Variants in SMCO4 observed in about 807,000 individuals in gnomAD.
SMCO4 encodes single-pass membrane and coiled-coil domain-containing protein 4.
A neutral mutation model predicts 3.6 loss-of-function variants in SMCO4; 4 were observed. That is an observed-to-expected ratio of 1.11 (90% CI 0.54 to 2.53). The LOEUF is 2.53. Among genes scored for constraint, SMCO4 ranks in the 30% most tolerant of loss-of-function variants. The pLI, the probability that SMCO4 is intolerant of heterozygous loss-of-function variation, is 0.02. For synonymous variants in SMCO4, 36 were observed against 35.3 expected, an observed-to-expected ratio of 1.02 and a Z score of -0.07; for missense variants, 70 against 80.8, an observed-to-expected ratio of 0.87 and a Z score of 0.51.
chr11:93,482,490 TC>T (rs1439129145), intron 2 of SMCO4, among the ~76,000 whole-genome samples: 3 of 152,074 alleles, frequency 2.0e-5, no homozygotes, highest in Non-Finnish European at 4.4e-5. Flanking sequence ...TTAAGAGAGA[TC>T]ATGTCCAAGG....
chr11:93,529,410 A>T (rs1420718548), intron 1 of SMCO4, among the ~76,000 whole-genome samples: 1 of 152,156 alleles, frequency 6.6e-6, no homozygotes, highest in Admixed American at 6.5e-5. Flanking sequence ...TTCTATTTTC[A>T]TCTCCACTTA....
At position 93,478,658 on chromosome 11, in the gene SMCO4, G is replaced by GGTTC; in HGVS notation, c.*348_*351dup. The GGTTC allele has an allele frequency of 4.6e-6, 1 of 215,692 alleles. No individual in the cohort carries two copies. Among genetic ancestry groups the GGTTC allele is most frequent in the Non-Finnish European group, 8.7e-6 (1 of 114,684 alleles). 13.4% of individuals were successfully genotyped at this position (215,692 alleles called of 1,614,324 possible). A position where few individuals can be genotyped will look rare whatever the true frequency, so the allele number is the denominator to read the frequency against. On this transcript the variant is annotated 3_prime_UTR_variant, in exon 3 of 3. Coordinates refer to ENST00000298966, the MANE Select transcript of SMCO4 (RefSeq NM_020179.3). ...GATTCCAGCTGTTTCCTGACCCAGAGGTTCCATCCCTCTTCAGGTGGAGCT... is the reference window on the plus strand; with the variant it reads ...GATTCCAGCTGTTTCCTGACCCAGAGGTTCGTTCCATCCCTCTTCAGGTGGAGCT...
chr11:93,521,183 T>C (rs1949055147), intron 1 of SMCO4, among the ~76,000 whole-genome samples: 1 of 152,178 alleles, frequency 6.6e-6, no homozygotes, highest in African/African-American at 2.4e-5. Flanking sequence ...TGTTGCAACA[T>C]TCACTTCCTT....
intron 1 of SMCO4, among the ~76,000 whole-genome samples, chr11:93,539,111 G>A (rs1342475945): frequency 5.3e-5 from 8 of 152,158 alleles, no homozygotes; most frequent in African/African-American, 1.7e-4. Context: ...CCACATCTGT[G>A]TGTTGGGAAT....
intron 1 of SMCO4, among the ~76,000 whole-genome samples, chr11:93,512,200 C>T (rs976073267): frequency 2.0e-5 from 3 of 152,184 alleles, no homozygotes; most frequent in Non-Finnish European, 2.9e-5. Flanking sequence ...TAAATGAGGA[C>T]TTAGTGTACA....
upstream of SMCO4, among the ~76,000 whole-genome samples, chr11:93,547,132 A>G (rs1949321005): frequency 1.3e-5 from 2 of 152,336 alleles, no homozygotes; most frequent in South Asian, 4.1e-4. Context: ...CAGCTCAGGA[A>G]TCTTATGGAG....
At position 93,492,250 on chromosome 11, in the gene SMCO4, A is replaced by G. The variant is rs528473715; in HGVS notation, c.-81+7026T>C. On this transcript the variant is annotated intron_variant, in intron 2 of 2. Transcript: ENST00000298966. ...CACAGATTCATTTACTCACTCACCA[A>G]TTCATTCTTTCAAACACTTCCTGAG... Among the ~76,000 whole-genome samples, 42 of 152,330 alleles carry G rather than the reference A, an allele frequency of 2.8e-4. 1 individual carries two copies. The highest frequency in any genetic ancestry group is 9.4e-4 in the African/African-American group (39 of 41,578).
At chr11:93,491,148 T>G (rs193267840) in intron 2 of SMCO4, among the ~76,000 whole-genome samples, 1 of 152,246 alleles carries the variant, frequency 6.6e-6, no homozygotes, top group Admixed American at 6.5e-5. Context: ...AAAGTAAGCA[T>G]GGCTAATTCA....
At chr11:93,547,756 A>G (rs1445200016), upstream of SMCO4, among the ~76,000 whole-genome samples, 1 of 152,218 alleles carries the variant, frequency 6.6e-6, no homozygotes, top group Non-Finnish European at 1.5e-5. Context: ...AGGAAGAAGG[A>G]GAAAAGACAA....
chr11:93,553,489 G>A, the SMCO4 span, among the ~76,000 whole-genome samples: 1 of 152,170 alleles, frequency 6.6e-6, no homozygotes, highest in South Asian at 2.1e-4. Flanking sequence ...ACAAACCACA[G>A]TATTATTAGC....
At chr11:93,488,294 T>A (rs1281774338) in intron 2 of SMCO4, among the ~76,000 whole-genome samples, 1 of 151,958 alleles carries the variant, frequency 6.6e-6, no homozygotes, top group Non-Finnish European at 1.5e-5. Flanking sequence ...AAGGGAGAGC[T>A]GAGGGGTCAC....
intron 1 of SMCO4, among the ~76,000 whole-genome samples, chr11:93,533,735 G>A (rs1949185498): frequency 6.6e-6 from 1 of 152,050 alleles, no homozygotes; most frequent in Non-Finnish European, 1.5e-5. Flanking sequence ...CCCACCTAAG[G>A]CCTCCACCGA....
intron 1 of SMCO4, among the ~76,000 whole-genome samples, chr11:93,528,042 TAATA>T (rs1043735572): frequency 6.6e-6 from 1 of 151,680 alleles, no homozygotes; most frequent in Non-Finnish European, 1.5e-5. Context: ...TACTAAATCC[TAATA>T]AATAATAATT....
intron 1 of SMCO4, among the ~76,000 whole-genome samples, chr11:93,522,613 C>G (rs1421908622): frequency 6.6e-6 from 1 of 152,262 alleles, no homozygotes; most frequent in African/African-American, 2.4e-5. Context: ...TAGGCCAAGT[C>G]TCCGCCATTG....
chr11:93,491,315 C>A (rs1333111824), intron 2 of SMCO4, among the ~76,000 whole-genome samples: 1 of 152,194 alleles, frequency 6.6e-6, no homozygotes, highest in Non-Finnish European at 1.5e-5. Flanking sequence ...AATGCCTATC[C>A]CTGGAGGCCA....
intron 2 of SMCO4, among the ~76,000 whole-genome samples, chr11:93,484,342 C>T (rs1948624131): frequency 6.6e-6 from 1 of 152,176 alleles, no homozygotes; most frequent in Non-Finnish European, 1.5e-5. Flanking sequence ...TTCTTATATG[C>T]ACTTTTCTCC....
At chr11:93,507,484 T>A (rs1948918628) in intron 1 of SMCO4, among the ~76,000 whole-genome samples, 1 of 152,202 alleles carries the variant, frequency 6.6e-6, no homozygotes, top group Non-Finnish European at 1.5e-5. Context: ...CAGATGAGAA[T>A]GGCAATGACA....
intron 1 of SMCO4, among the ~76,000 whole-genome samples, chr11:93,539,309 T>A (rs748150121): frequency 2.0e-5 from 3 of 150,650 alleles, no homozygotes; most frequent in African/African-American, 4.9e-5. Context: ...TGAAGGGTCA[T>A]AAATTTAAAA....
intron 1 of SMCO4, among the ~76,000 whole-genome samples, chr11:93,533,355 G>A (rs2134633870): frequency 6.6e-6 from 1 of 152,286 alleles, no homozygotes; most frequent in Non-Finnish European, 1.5e-5. Context: ...CAAGAACCTT[G>A]GGAGGAGTAA....
Sources: gnomAD v4.1 joint callset for allele counts (sites outside exome capture counted in the v4.1 genomes callset) on GRCh38, gnomAD v4.1.1 for gene constraint, MANE v1.5 for transcripts, NCBI Gene and HGNC (gene_info 2026-07-23, HGNC 2026-07-21) for gene names.